CDC7: variants seen among roughly 807,000 people sequenced by gnomAD.
The protein encoded by CDC7 is cell division cycle 7-related protein kinase.
Under a neutral mutation model 53.5 loss-of-function variants are expected in CDC7, and 34 were observed. The ratio of observed to expected loss-of-function variants is 0.64; its 90% CI spans 0.48 to 0.85. CDC7 has a LOEUF of 0.85. Among genes scored for constraint, CDC7 ranks in the 40% least tolerant of loss-of-function variants. The pLI is 0.00. For missense variants in CDC7, 594 were observed against 679.7 expected, an observed-to-expected ratio of 0.87 and a Z score of 1.40; for synonymous variants, 211 against 222.8, an observed-to-expected ratio of 0.95 and a Z score of 0.47.
chr1:91,505,166 G>A (rs947809017), intron 2 of CDC7, among the ~76,000 whole-genome samples: 8 of 151,712 alleles, frequency 5.3e-5, no homozygotes, highest in South Asian at 2.1e-4. Context: ...CAGAGGAAAC[G>A]GCAAGTACAA....
chr1:91,507,772 T>C, intron 2 of CDC7, 82 bp from the exon 3 acceptor site: 1 of 932,560 alleles, frequency 1.1e-6, no homozygotes, highest in Non-Finnish European at 1.6e-6. Context: ...TTATAATTTA[T>C]TTCATTGAGC....
rs554413374 is a variant in CDC7, at chr1:91,525,467, A to G, written c.*1032A>G. On this transcript the variant is annotated 3_prime_UTR_variant, in exon 12 of 12. Coordinates refer to ENST00000234626, the MANE Select transcript of CDC7 (RefSeq NM_003503.4). ...AGAAAAGGACCCAAGATAGAGGTTT[A>G]TATTCAGAAATGGTATATATCAATG... The G allele has an allele frequency of 6.6e-5, 10 of 152,260 alleles. No homozygotes were observed. The highest frequency in any genetic ancestry group is 4.6e-4 in the Admixed American group (7 of 15,298). 9.4% of individuals were successfully genotyped at this position (152,260 alleles called of 1,614,324 possible). A position where few individuals can be genotyped will look rare whatever the true frequency, so the allele number is the denominator to read the frequency against.
chr1:91,508,850 CCTT>C (rs1027386291), intron 4 of CDC7, among the ~76,000 whole-genome samples: 7 of 152,182 alleles, frequency 4.6e-5, no homozygotes, highest in Non-Finnish European at 4.4e-5. Flanking sequence ...AAACTGCCCT[CCTT>C]CTTCCACCTG....
chr1:91,519,555 T>C (rs13447536), intron 10 of CDC7, among the ~76,000 whole-genome samples: 83 of 152,294 alleles, frequency 5.4e-4, no homozygotes, highest in African/African-American at 1.8e-3. Context: ...CAAAACATCT[T>C]ATATACCCCA....
At chr1:91,514,142 A>C in intron 8 of CDC7, 99 bp downstream of exon 8, 2 of 721,732 alleles carry the variant, frequency 2.8e-6, no homozygotes, top group Non-Finnish European at 4.4e-6. Flanking sequence ...AAATTTTTTT[A>C]AACTAGAGTT....
chr1:91,508,171 C>T, intron 3 of CDC7, 91 bp from the exon 4 acceptor site: 2 of 991,328 alleles, frequency 2.0e-6, no homozygotes, highest in Non-Finnish European at 2.9e-6. Context: ...TGTATTATGC[C>T]ATTGAAACAG....
chr1:91,522,991 T>C (rs1191598975), intron 11 of CDC7, among the ~76,000 whole-genome samples: 2 of 152,232 alleles, frequency 1.3e-5, no homozygotes, highest in Admixed American at 6.5e-5. Flanking sequence ...AATAAGGAAA[T>C]GTAAGGCAAA....
At chr1:91,503,925 G>A (rs943586289) in intron 2 of CDC7, among the ~76,000 whole-genome samples, 16 of 151,758 alleles carry the variant, frequency 1.1e-4, no homozygotes, top group African/African-American at 3.4e-4. Flanking sequence ...TGCTCATGTA[G>A]TAAATATTCT....
Position 91,501,868 on chromosome 1 carries a change from AT to A in CDC7, c.115+42del, listed in dbSNP as rs765963254. 4.9e-6 allele frequency: 7 copies of A among 1,420,210 alleles called. No homozygotes were observed. In the East Asian group the frequency reaches 1.4e-4, roughly 28 times the overall value. The allele number at this position is 1,420,210 out of a possible 1,614,324, so 88.0% of individuals were successfully genotyped here. A position where few individuals can be genotyped will look rare whatever the true frequency, so the allele number is the denominator to read the frequency against. On this transcript the variant is annotated intron_variant, in intron 2 of 11. Coordinates refer to ENST00000234626, the MANE Select transcript of CDC7 (RefSeq NM_003503.4). ...AATCCAAAGATGTACAGTTATAAAG[AT>A]TTTTCAGGCAACAATTCTGTGTTTT...
intron 4 of CDC7, 81 bp from the exon 5 acceptor site, chr1:91,511,516 A>G (rs1011835613): frequency 8.8e-6 from 7 of 792,332 alleles, no homozygotes; most frequent in Non-Finnish European, 1.5e-5. Flanking sequence ...CATTGCTAAA[A>G]TTGCGGTTTT....
At position 91,513,059 on chromosome 1, in the gene CDC7, T is replaced by A; in HGVS notation, c.574T>A (p.Tyr192Asn). ...AAAATGCTTAATTTTGTCTCTTAGG[T>A]ATGCCTTGGTAGACTTTGGTTTGGC... ...NFLYNRRLKK[Y>N]ALVDFGLAQG... Residue 192 changes from tyrosine (Y) to asparagine (N), a missense_variant and splice_region_variant, in exon 7 of 12, where the codon TAT (tyrosine) becomes AAT (asparagine). Physicochemically the swap from Tyr to Asn is moderately radical, Grantham distance 143. Transcript: ENST00000234626. 6.2e-7 allele frequency: 1 copy of A among 1,612,896 alleles called. No homozygotes were observed. Among genetic ancestry groups the A allele is most frequent in the Non-Finnish European group, 8.5e-7 (1 of 1,179,284 alleles).
intron 10 of CDC7, among the ~76,000 whole-genome samples, chr1:91,519,742 A>G (rs2102397514): frequency 6.6e-6 from 1 of 152,380 alleles, no homozygotes; most frequent in East Asian, 1.9e-4. Flanking sequence ...CCAGTATGGT[A>G]TGTAATTCTC....
At chr1:91,523,862 C>T (rs2102413168) in intron 11 of CDC7, among the ~76,000 whole-genome samples, 179 bp from the exon 12 acceptor site, 1 of 151,012 alleles carries the variant, frequency 6.6e-6, no homozygotes, top group East Asian at 2.0e-4. Context: ...TCAAATACAA[C>T]TTAAATATAG....
chr1:91,518,056 T>C (rs1039356823), intron 10 of CDC7, among the ~76,000 whole-genome samples: 3 of 115,604 alleles, frequency 2.6e-5, no homozygotes, highest in African/African-American at 1.0e-4. Flanking sequence ...ATCGCACCAT[T>C]GCACTCCAGC....
At chr1:91,515,405 CTTGGCTTTCATA>C (rs1324954665) in intron 9 of CDC7, among the ~76,000 whole-genome samples, 5 of 152,126 alleles carry the variant, frequency 3.3e-5, no homozygotes, top group Non-Finnish European at 7.3e-5. Flanking sequence ...TCCTTCAAGG[CTTGGCTTTCATA>C]AAGCCTTTCT....
In CDC7 at chr1:91,520,291, T is replaced by A; in HGVS notation, c.1330+12T>A. 2.6e-6 allele frequency: 4 copies of A among 1,567,534 alleles called. No homozygotes were observed. The highest frequency in any genetic ancestry group is 3.5e-6 in the Non-Finnish European group (4 of 1,159,176). On this transcript the variant is annotated intron_variant, in intron 11 of 11. Transcript: ENST00000234626. ...TGCTAAAACTTTTGGTAAGCAGTTT[T>A]GTATTATAGAACCAAACAAAATGCC...
chr1:91,523,174 T>G (rs953444813), intron 11 of CDC7, among the ~76,000 whole-genome samples: 1 of 152,090 alleles, frequency 6.6e-6, no homozygotes, highest in Non-Finnish European at 1.5e-5. Context: ...CTATTGCGAG[T>G]CTCTGCTTTC....
rs772078654 is a variant in CDC7 at position 91,513,051 on chromosome 1, CT to C, written c.573-6del. 1 of 1,610,944 alleles carries C rather than the reference CT, an allele frequency of 6.2e-7. No individual in the cohort carries two copies. The highest frequency in any genetic ancestry group is 8.5e-7 in the Non-Finnish European group (1 of 1,178,428). On this transcript the variant is annotated splice_region_variant and splice_polypyrimidine_tract_variant and intron_variant, in intron 6 of 11. Transcript: ENST00000234626. ...GATAAGTAAAAATGCTTAATTTTGTCTCTTAGGTATGCCTTGGTAGACTTTG... is the reference window on the plus strand; with the variant it reads ...GATAAGTAAAAATGCTTAATTTTGTCCTTAGGTATGCCTTGGTAGACTTTG...
In CDC7 at chr1:91,515,731, T is replaced by C. The variant is rs543856890; in HGVS notation, c.1098-63T>C. 8 of 1,591,350 alleles carry C rather than the reference T, an allele frequency of 5.0e-6. No individual in the cohort carries two copies. In the South Asian group the frequency reaches 9.1e-5, roughly 18 times the overall value. On this transcript the variant is annotated intron_variant, in intron 9 of 11. Coordinates refer to ENST00000234626, the MANE Select transcript of CDC7 (RefSeq NM_003503.4). ...TTACTGTGAACTAAATTGATGAATG[T>C]TATTTTTTAGACTTACATAGTTCAA...
Sources: gnomAD v4.1 joint callset for allele counts (sites outside exome capture counted in the v4.1 genomes callset) on GRCh38, gnomAD v4.1.1 for gene constraint, MANE v1.5 for transcripts, NCBI Gene and HGNC (gene_info 2026-07-23, HGNC 2026-07-21) for gene names.